The following RGS6 variants were observed in gnomAD, a reference collection of about 807,000 sequenced individuals.
The protein encoded by RGS6 is regulator of G protein signaling 6.
RGS6 carries 30 observed loss-of-function variants against 78.5 expected under a neutral mutation model. The ratio of observed to expected loss-of-function variants is 0.38; its 90% confidence interval spans 0.29 to 0.52. The LOEUF (loss-of-function observed/expected upper bound fraction) is 0.52, where lower values mean the gene tolerates loss of function less well. Ranked by LOEUF, RGS6 falls within the 20% of genes least tolerant of loss-of-function variation. The probability of loss-of-function intolerance (pLI) is 0.85; values close to 1 mark genes in which losing one functional copy is unlikely to be tolerated. For synonymous variants in RGS6, 206 were observed against 206.0 expected (o/e 1.00, Z 0.00); for missense variants, 495 against 609.7 (o/e 0.81, Z 1.98).
chr14:72,516,089 G>A (rs535918166), intron 14 of RGS6, among the ~76,000 whole-genome samples: 34 of 152,340 alleles, frequency 2.2e-4, no homozygotes, highest in Middle Eastern at 3.4e-3. Flanking sequence ...CACTGACTTC[G>A]TCTCTGGACA....
At chr14:71,910,113 C>A in the RGS6 span, among the ~76,000 whole-genome samples, 1 of 152,118 alleles carries the variant, frequency 6.6e-6, no homozygotes, top group African/African-American at 2.4e-5. Context: ...TTGCTTGAAC[C>A]CAGGAGGCAG....
At chr14:72,366,219 C>T (rs2152814047) in intron 3 of RGS6, among the ~76,000 whole-genome samples, 1 of 152,218 alleles carries the variant, frequency 6.6e-6, no homozygotes, top group East Asian at 1.9e-4. Context: ...CAGATCAGGA[C>T]AAACTCATAG....
At chr14:72,553,795 C>T (rs1251446875) in intron 17 of RGS6, among the ~76,000 whole-genome samples, 1 of 152,312 alleles carries the variant, frequency 6.6e-6, no homozygotes, top group East Asian at 1.9e-4. Context: ...ATAACTCTTC[C>T]TCTGTGGGCC....
chr14:71,991,819 C>A (rs1566974386), intron 2 of RGS6, among the ~76,000 whole-genome samples: 1 of 152,132 alleles, frequency 6.6e-6, no homozygotes. Flanking sequence ...TTTAAAGGGC[C>A]ACATAGTAAC....
chr14:72,234,891 T>G (rs1309496215), intron 2 of RGS6, among the ~76,000 whole-genome samples: 1 of 152,132 alleles, frequency 6.6e-6, no homozygotes, highest in Non-Finnish European at 1.5e-5. Flanking sequence ...AGAAGTTGTA[T>G]TGTTCCATTT....
chr14:71,878,179 G>T, the RGS6 span, among the ~76,000 whole-genome samples: 1 of 152,288 alleles, frequency 6.6e-6, no homozygotes, highest in Admixed American at 6.5e-5. Flanking sequence ...CAAACTCCAT[G>T]CTGGGGGAAT....
At chr14:72,279,107 A>C (rs2079500) in intron 2 of RGS6, among the ~76,000 whole-genome samples, 84,959 of 151,638 alleles carry the variant, frequency 0.56, 24,747 homozygotes, top group Non-Finnish European at 0.64. Context: ...TTGGGGCTTT[A>C]ACATAAGAAT....
At chr14:72,081,443 A>T in intron 2 of RGS6, among the ~76,000 whole-genome samples, 1 of 151,786 alleles carries the variant, frequency 6.6e-6, no homozygotes. Flanking sequence ...TACTTTCTTG[A>T]GTTTGTTTCT....
intron 2 of RGS6, among the ~76,000 whole-genome samples, chr14:72,277,850 C>T (rs2060935665): frequency 6.6e-6 from 1 of 152,122 alleles, no homozygotes; most frequent in Non-Finnish European, 1.5e-5. Flanking sequence ...ATCTCTTGAA[C>T]CCAGAAAGTG....
At chr14:72,119,591 C>T (rs2095997083) in intron 2 of RGS6, among the ~76,000 whole-genome samples, 1 of 152,108 alleles carries the variant, frequency 6.6e-6, no homozygotes, top group African/African-American at 2.4e-5. Context: ...TATATACTCA[C>T]AGATCAAATT....
At chr14:72,606,378 A>T in the RGS6 span, among the ~76,000 whole-genome samples, 3 of 152,142 alleles carry the variant, frequency 2.0e-5, no homozygotes, top group African/African-American at 7.2e-5. Context: ...ATAAGACAAG[A>T]TCTAGAACTT....
the RGS6 span, among the ~76,000 whole-genome samples, chr14:72,613,837 C>T: frequency 4.3e-4 from 66 of 152,334 alleles, no homozygotes; most frequent in African/African-American, 1.5e-3. Flanking sequence ...GGGCGCCCGC[C>T]GCACAGCCAG....
At chr14:72,179,358 T>C (rs1377458672) in intron 2 of RGS6, among the ~76,000 whole-genome samples, 1 of 152,140 alleles carries the variant, frequency 6.6e-6, no homozygotes, top group Non-Finnish European at 1.5e-5. Context: ...GTCTCAACAA[T>C]TTCTAGCCGG....
intron 3 of RGS6, among the ~76,000 whole-genome samples, chr14:72,410,886 C>A (rs1198118468): frequency 6.6e-6 from 1 of 152,078 alleles, no homozygotes; most frequent in Non-Finnish European, 1.5e-5. Context: ...TGTAGATATG[C>A]AGCATTATTT....
At chr14:72,210,098 C>T (rs932008910) in intron 2 of RGS6, among the ~76,000 whole-genome samples, 9 of 152,266 alleles carry the variant, frequency 5.9e-5, no homozygotes, top group African/African-American at 1.4e-4. Flanking sequence ...ATCCCAGAAT[C>T]GCTTTTTTCC....
chr14:72,623,486 A>G, the RGS6 span, among the ~76,000 whole-genome samples: 4 of 151,620 alleles, frequency 2.6e-5, no homozygotes, highest in South Asian at 2.1e-4. Flanking sequence ...CTGCATATAT[A>G]TGTGTGTGTG....
chr14:72,208,409 A>G (rs1278201555), intron 2 of RGS6, among the ~76,000 whole-genome samples: 1 of 152,224 alleles, frequency 6.6e-6, no homozygotes, highest in Non-Finnish European at 1.5e-5. Context: ...CGTTTGAGCC[A>G]AAATACTTCC....
intron 3 of RGS6, among the ~76,000 whole-genome samples, chr14:72,379,154 A>C (rs774567142): frequency 1.3e-5 from 2 of 152,158 alleles, no homozygotes; most frequent in Non-Finnish European, 2.9e-5. Context: ...AAAAACTCTC[A>C]ATTAAGATGG....
At chr14:71,985,636 T>G (rs769908233) in intron 2 of RGS6, among the ~76,000 whole-genome samples, 1 of 152,188 alleles carries the variant, frequency 6.6e-6, no homozygotes, top group Non-Finnish European at 1.5e-5. Flanking sequence ...AAGTTCTATG[T>G]CATTGAACTA....
Sources: allele counts gnomAD v4.1 joint callset (sites outside exome capture counted in the v4.1 genomes callset), GRCh38; gene constraint gnomAD v4.1.1; transcripts MANE v1.5; gene names NCBI Gene and HGNC (gene_info 2026-07-23, HGNC 2026-07-21).